ICAM1: variants seen among roughly 807,000 people sequenced by gnomAD.
ICAM1 encodes ICAM-1.
ICAM1 carries 28 observed loss-of-function variants against 42.3 expected under a neutral mutation model. That is an observed-to-expected ratio of 0.66 (90% CI 0.49 to 0.91). The LOEUF (loss-of-function observed/expected upper bound fraction) is 0.91. Among genes scored for constraint, ICAM1 ranks in the 40% least tolerant of loss-of-function variants. The pLI is 0.00. For missense variants in ICAM1, 637 were observed against 688.6 expected (o/e 0.93, Z 0.84); for synonymous variants, 304 against 305.9 (o/e 0.99, Z 0.07).
rs766833990 is a variant in ICAM1 at position 10,283,709 on chromosome 19, G to T, written c.560G>T (p.Arg187Leu). The T allele has an allele frequency of 1.9e-6, 3 of 1,613,704 alleles. No homozygotes were observed. The highest frequency in any genetic ancestry group is 2.5e-6 in the Non-Finnish European group (3 of 1,179,852). The change falls in exon 3 of 7, where the codon CGC (arginine) becomes CTC (leucine). Residue 187 changes from arginine (R) to leucine (L), a missense_variant. Physicochemically the swap from Arg to Leu is moderately radical, Grantham distance 102. Coordinates refer to ENST00000264832, the MANE Select transcript of ICAM1 (RefSeq NM_000201.3). Reference protein sequence around the residue: ...RDHHGANFSCRTELDLRPQGL... With the variant: ...RDHHGANFSCLTELDLRPQGL... The stretch of plus-strand genomic sequence containing the variant: ...CACCATGGAGCCAATTTCTCGTGCC[G>T]CACTGAACTGGACCTGCGGCCCCAA...
chr19:10,284,086 A>C lies in ICAM1; in HGVS notation c.691A>C (p.Thr231Pro). 1.2e-6 allele frequency: 2 copies of C among 1,613,886 alleles called. No homozygotes were observed. The highest frequency in any genetic ancestry group is 1.1e-5 in the South Asian group (1 of 91,082). Residue 231 changes from threonine (T) to proline (P), a missense_variant, in exon 4 of 7, where the codon ACG becomes CCG. Coordinates refer to ENST00000264832, the MANE Select transcript of ICAM1 (RefSeq NM_000201.3). This position sits in a 1 kb window ranked among gnomAD's most constrained non-coding sequence, Gnocchi z 5.4. ...LVSPRVLEVD[T>P]QGTVVCSLDG... ...CAGCCCCCGGGTCCTAGAGGTGGAC[A>C]CGCAGGGGACCGTGGTCTGTTCCCT...
intron 2 of ICAM1, among the ~76,000 whole-genome samples, chr19:10,278,812 G>C (rs1365006076): frequency 6.6e-6 from 1 of 152,068 alleles, no homozygotes; most frequent in Non-Finnish European, 1.5e-5. Context: ...GAAGTGCTGG[G>C]ATTACAGGCT....
chr19:10,279,552 C>G (rs987880273), intron 2 of ICAM1, among the ~76,000 whole-genome samples: 4 of 151,952 alleles, frequency 2.6e-5, no homozygotes, highest in African/African-American at 4.8e-5. Context: ...GCCATCTTGG[C>G]TCACTGCAGC....
intron 2 of ICAM1, chr19:10,282,235 C>G (rs1247260642): frequency 6.6e-6 from 1 of 151,882 alleles, no homozygotes; most frequent in Non-Finnish European, 1.5e-5. Flanking sequence ...ACCCAGTTAA[C>G]CATTCATTCA....
intron 1 of ICAM1, among the ~76,000 whole-genome samples, chr19:10,273,259 G>A (rs2039994275): frequency 6.6e-6 from 1 of 152,034 alleles, no homozygotes; most frequent in Non-Finnish European, 1.5e-5. Flanking sequence ...TTGGGAGGCT[G>A]AGGCGGGCGG....
At chr19:10,282,530 A>G (rs2040068897) in intron 2 of ICAM1, among the ~76,000 whole-genome samples, 1 of 151,916 alleles carries the variant, frequency 6.6e-6, no homozygotes, top group East Asian at 1.9e-4. Flanking sequence ...TAAAGGCGTG[A>G]GCCACCGCGC....
chr19:10,283,577 G>A lies in ICAM1; in HGVS notation c.428G>A (p.Arg143Gln), dbSNP rs373279831. 2.3e-4 allele frequency: 370 copies of A among 1,613,416 alleles called. No individual in the cohort carries two copies. Among genetic ancestry groups the A allele is most frequent in the Non-Finnish European group, 3.0e-4 (350 of 1,179,936 alleles). The change falls in exon 3 of 7, where the codon CGG (arginine) becomes CAG (glutamine). Residue 143 changes from arginine to glutamine, a missense_variant. Coordinates refer to ENST00000264832, the MANE Select transcript of ICAM1 (RefSeq NM_000201.3). ...LRCQVEGGAP[R>Q]ANLTVVLLRG... is the part of the protein sequence containing the mutation. ...TGCCAGGTGGAGGGTGGGGCACCCC[G>A]GGCCAACCTCACCGTGGTGCTGCTC...
At chr19:10,272,112 C>G (rs537530528) in intron 1 of ICAM1, among the ~76,000 whole-genome samples, 1 of 152,234 alleles carries the variant, frequency 6.6e-6, no homozygotes, top group South Asian at 2.1e-4. Context: ...ATGGCAACAT[C>G]CCGTCTCTAC....
At chr19:10,275,777 G>A (rs1054721293) in intron 2 of ICAM1, among the ~76,000 whole-genome samples, 1 of 145,146 alleles carries the variant, frequency 6.9e-6, no homozygotes, top group Non-Finnish European at 1.5e-5. Flanking sequence ...GTGTGATCTC[G>A]GCTCACTGCA....
At chr19:10,273,324 C>A (rs1476692351) in intron 1 of ICAM1, among the ~76,000 whole-genome samples, 1 of 151,920 alleles carries the variant, frequency 6.6e-6, no homozygotes, top group Non-Finnish European at 1.5e-5. Context: ...GAAACCCCGT[C>A]TCTACTAAAA....
intron 2 of ICAM1, among the ~76,000 whole-genome samples, chr19:10,280,998 T>C (rs542785882): frequency 8.6e-5 from 13 of 151,284 alleles, no homozygotes; most frequent in South Asian, 4.2e-4. Context: ...CTTAGCCTCC[T>C]GAGTAGCTGG....
At chr19:10,272,619 C>T (rs2039990538) in intron 1 of ICAM1, among the ~76,000 whole-genome samples, 2 of 130,278 alleles carry the variant, frequency 1.5e-5, no homozygotes, top group Non-Finnish European at 3.1e-5. Flanking sequence ...GGCTGGAGTG[C>T]AGTGGCGTGA....
intron 2 of ICAM1, among the ~76,000 whole-genome samples, chr19:10,280,608 T>C (rs1382704349): frequency 6.6e-6 from 1 of 151,760 alleles, no homozygotes; most frequent in Non-Finnish European, 1.5e-5. Flanking sequence ...TCGCTCTTAT[T>C]GCCCAGGCTG....
At position 10,284,595 on chromosome 19, in the gene ICAM1, C is replaced by T. The variant is rs1241607771; in HGVS notation, c.1118C>T (p.Ala373Val). 4 of 1,614,200 alleles carry T rather than the reference C, an allele frequency of 2.5e-6. No individual in the cohort carries two copies. In the South Asian group the frequency reaches 3.3e-5, roughly 13 times the overall value. The change falls in exon 5 of 7, where the codon GCA becomes GTA. Residue 373 changes from alanine (A) to valine (V), a missense_variant. Ala to Val is a moderately conservative substitution (Grantham distance 64). Coordinates refer to ENST00000264832, the MANE Select transcript of ICAM1 (RefSeq NM_000201.3). The surrounding 1 kb of genome is among the most constrained non-coding windows in gnomAD (Gnocchi z 5.4). ...AACGGGCGCAGCTTCTCCTGCTCTG[C>T]AACCCTGGAGGTGGCCGGCCAGCTT... Reference protein sequence around the residue: ...EDNGRSFSCSATLEVAGQLIH... With the variant: ...EDNGRSFSCSVTLEVAGQLIH...
At chr19:10,277,817 G>A (rs1403909541) in intron 2 of ICAM1, among the ~76,000 whole-genome samples, 1 of 152,148 alleles carries the variant, frequency 6.6e-6, no homozygotes, top group African/African-American at 2.4e-5. Context: ...TCCTACTTTG[G>A]GGACTTCGAA....
intron 1 of ICAM1, among the ~76,000 whole-genome samples, chr19:10,273,013 A>AGGGCT: frequency 6.6e-6 from 1 of 152,182 alleles, no homozygotes; most frequent in East Asian, 1.9e-4. Context: ...TGATTCCTGG[A>AGGGCT]GGGCTGACTG....
chr19:10,278,341 T>C (rs1182159643), intron 2 of ICAM1, among the ~76,000 whole-genome samples: 1 of 151,974 alleles, frequency 6.6e-6, no homozygotes, highest in Non-Finnish European at 1.5e-5. Context: ...ACACGGTGAG[T>C]GACAAAGGAT....
In ICAM1 at chr19:10,285,591, A is replaced by G; in HGVS notation, c.*304A>G. 3.0e-6 allele frequency: 1 copy of G among 337,396 alleles called. No homozygotes were observed. The highest frequency in any genetic ancestry group is 4.5e-5 in the South Asian group (1 of 22,046). 20.9% of individuals were successfully genotyped at this position (337,396 alleles called of 1,614,324 possible). On this transcript the variant is annotated 3_prime_UTR_variant, in exon 7 of 7. Coordinates refer to ENST00000264832, the MANE Select transcript of ICAM1 (RefSeq NM_000201.3). The stretch of plus-strand genomic sequence containing the variant: ...GATGAGAGGGGAAGTGGTGGGGGAG[A>G]CATAGCCCCACCATGAGGACATACA...
At position 10,283,796 on chromosome 19, in the gene ICAM1, G is replaced by T; in HGVS notation, c.637+10G>T. 6.3e-7 allele frequency: 1 copy of T among 1,587,378 alleles called. No homozygotes were observed. On this transcript the variant is annotated intron_variant, in intron 3 of 6. Transcript: ENST00000264832. ...CAGCTCCAGACCTTTGGTGAGGATTGAAGAAGCCAGCAGGGAGAAGGTGGG... is the reference window on the plus strand; with the variant it reads ...CAGCTCCAGACCTTTGGTGAGGATTTAAGAAGCCAGCAGGGAGAAGGTGGG...
Sources: allele counts gnomAD v4.1 joint callset (sites outside exome capture counted in the v4.1 genomes callset), GRCh38; gene constraint gnomAD v4.1.1; non-coding constraint Gnocchi (gnomAD v3.1); transcripts MANE v1.5; gene names NCBI Gene and HGNC (gene_info 2026-07-23, HGNC 2026-07-21).